DCP2: variants seen among roughly 807,000 people sequenced by gnomAD.
DCP2 encodes the protein m7GpppN-mRNA hydrolase.
In DCP2, 30 loss-of-function variants were observed where a neutral mutation model predicts 56.1. The observed-to-expected ratio is 0.53, with a 90% CI of 0.40 to 0.73. The LOEUF (loss-of-function observed/expected upper bound fraction) is 0.73. DCP2 is among the 30% of genes least tolerant of loss of function. The pLI is 0.00. For missense variants in DCP2, 533 were observed against 502.7 expected (o/e 1.06, Z -0.58); for synonymous variants, 197 against 163.3 (o/e 1.21, Z -1.57).
chr5:112,998,752 G>GT (rs896524422), intron 4 of DCP2, among the ~76,000 whole-genome samples: 4 of 152,328 alleles, frequency 2.6e-5, no homozygotes, highest in African/African-American at 9.6e-5. Context: ...TGTGTGCAGA[G>GT]TTTTTTATTA....
At chr5:112,984,697 A>ATATATATATATATATATATATATATATAT (rs1436502850) in intron 1 of DCP2, 20 of 76,128 alleles carry the variant, frequency 2.6e-4, no homozygotes, top group East Asian at 1.1e-3. Context: ...AAAAAAAAAA[A>ATATATATATATATATATATATATATATAT]AAAAAAATAT....
intron 4 of DCP2, among the ~76,000 whole-genome samples, chr5:112,998,394 A>G (rs748080534): frequency 2.0e-5 from 3 of 152,198 alleles, no homozygotes; most frequent in Admixed American, 6.5e-5. Context: ...ATAACCAAAG[A>G]AGACCATCCC....
chr5:113,010,034 CTTT>C (rs532353785), intron 9 of DCP2, among the ~76,000 whole-genome samples: 12 of 127,560 alleles, frequency 9.4e-5, no homozygotes, highest in Non-Finnish European at 1.0e-4. Flanking sequence ...TGCCTCAGCT[CTTT>C]TTTTTTTTTT....
chr5:112,977,006 C>T lies in DCP2; in HGVS notation c.53+20C>T, dbSNP rs758844426. On this transcript the variant is annotated intron_variant, in intron 1 of 10. Transcript: ENST00000389063. ...CTGCAGGTACCGCGCTACCCGACCC[C>T]CTTTCGCCCCCGTCGGGTTTTCTCA... is the stretch of plus-strand genomic sequence containing the variant. 1.3e-6 allele frequency: 2 copies of T among 1,496,586 alleles called. No homozygotes were observed. The highest frequency in any genetic ancestry group is 2.6e-5 in the South Asian group (2 of 77,858). 92.7% of individuals were successfully genotyped at this position (1,496,586 alleles called of 1,614,324 possible).
At position 112,976,888 on chromosome 5, in the gene DCP2, G is replaced by A. The variant is rs770502137; in HGVS notation, c.-46G>A. On this transcript the variant is annotated 5_prime_UTR_variant, in exon 1 of 11. Coordinates refer to ENST00000389063, the MANE Select transcript of DCP2 (RefSeq NM_152624.6). ...TCCTAGTGCCGTACCGTCAGTCCCC[G>A]GCCGCGCGGAGCCGGGATGCACTGT... is the stretch of plus-strand genomic sequence containing the variant. The A allele has an allele frequency of 3.7e-6, 6 of 1,609,000 alleles. No individual in the cohort carries two copies. The South Asian group carries it at 5.5e-5, about 15-fold the overall frequency.
chr5:113,010,909 C>A, intron 10 of DCP2, 102 bp downstream of exon 10: 2 of 1,237,416 alleles, frequency 1.6e-6, no homozygotes, highest in Non-Finnish European at 2.2e-6. Context: ...GATAGTTAAG[C>A]AGGAAGAGTT....
Position 112,976,864 on chromosome 5 carries a change from C to A in DCP2, c.-70C>A. 1.3e-6 allele frequency: 2 copies of A among 1,530,494 alleles called. No individual in the cohort carries two copies. The highest frequency in any genetic ancestry group is 1.8e-6 in the Non-Finnish European group (2 of 1,103,932). 94.8% of individuals were successfully genotyped at this position (1,530,494 alleles called of 1,614,324 possible). A position where few individuals can be genotyped will look rare whatever the true frequency, so the allele number is the denominator to read the frequency against. Reference sequence around the variant, plus strand: ...TGCCAGCTCTCCGGCGAGCCGGAGTCCTAGTGCCGTACCGTCAGTCCCCGG... The same window carrying A: ...TGCCAGCTCTCCGGCGAGCCGGAGTACTAGTGCCGTACCGTCAGTCCCCGG... On this transcript the variant is annotated 5_prime_UTR_variant, in exon 1 of 11. Coordinates refer to ENST00000389063, the MANE Select transcript of DCP2 (RefSeq NM_152624.6).
intron 2 of DCP2, among the ~76,000 whole-genome samples, chr5:112,990,884 T>C (rs1024349610): frequency 1.2e-4 from 6 of 48,464 alleles, no homozygotes; most frequent in African/African-American, 2.5e-4. Context: ...TTTAATGTGA[T>C]TTTTTTTTTT....
At chr5:112,977,989 A>AT (rs1365961143) in intron 1 of DCP2, among the ~76,000 whole-genome samples, 1 of 149,988 alleles carries the variant, frequency 6.7e-6, no homozygotes, top group African/African-American at 2.5e-5. Flanking sequence ...TTTTGTTTTT[A>AT]TTTTTTGAGA....
chr5:112,987,982 T>C (rs531398607), intron 2 of DCP2, among the ~76,000 whole-genome samples: 26 of 152,236 alleles, frequency 1.7e-4, no homozygotes, highest in Admixed American at 7.2e-4. Flanking sequence ...CACAAGTTCG[T>C]GTACTAGAAC....
chr5:112,979,718 G>A (rs559954774), intron 1 of DCP2, among the ~76,000 whole-genome samples: 1 of 152,274 alleles, frequency 6.6e-6, no homozygotes, highest in African/African-American at 2.4e-5. Flanking sequence ...TAAGGCTGAT[G>A]CTTTAGTATG....
intron 4 of DCP2, among the ~76,000 whole-genome samples, chr5:112,997,010 G>T (rs1347907071): frequency 6.6e-6 from 1 of 152,176 alleles, no homozygotes; most frequent in Non-Finnish European, 1.5e-5. Flanking sequence ...GTACATTGGC[G>T]TTTCAAAGTT....
chr5:113,009,566 A>G (rs1235461032), intron 9 of DCP2, among the ~76,000 whole-genome samples: 4 of 152,260 alleles, frequency 2.6e-5, no homozygotes, highest in Non-Finnish European at 4.4e-5. Context: ...TCAAAACCCT[A>G]CAAAAGTGTT....
At chr5:113,000,916 G>T (rs907228754) in intron 4 of DCP2, among the ~76,000 whole-genome samples, 168 bp from the exon 5 acceptor site, 38 of 152,116 alleles carry the variant, frequency 2.5e-4, no homozygotes, top group Non-Finnish European at 1.2e-4. Flanking sequence ...TAGGGCACAA[G>T]AACTTTTTTT....
At chr5:113,008,614 C>A (rs900483577) in intron 9 of DCP2, among the ~76,000 whole-genome samples, 1 of 152,062 alleles carries the variant, frequency 6.6e-6, no homozygotes, top group Non-Finnish European at 1.5e-5. Context: ...ACCTGTTTTT[C>A]ATTTATTGGT....
At chr5:112,979,073 A>G (rs76812937) in intron 1 of DCP2, among the ~76,000 whole-genome samples, 4,403 of 152,272 alleles carry the variant, frequency 0.029, 218 homozygotes, top group African/African-American at 0.1. Flanking sequence ...TATTTTGTAA[A>G]CAATATGTTA....
chr5:112,979,908 G>T (rs1166545713), intron 1 of DCP2, among the ~76,000 whole-genome samples: 2 of 152,166 alleles, frequency 1.3e-5, no homozygotes, highest in African/African-American at 4.8e-5. Context: ...GTGTGTGGGT[G>T]GGGAAGGGGT....
chr5:113,019,422 G>A lies in DCP2; in HGVS notation c.*5938G>A, dbSNP rs1750018011. Reference sequence around the variant, plus strand: ...GACATACTGCTAAGAGTTTCTTTGTGCATTTCACTACTGTTCTAGGGGACT... The same window carrying A: ...GACATACTGCTAAGAGTTTCTTTGTACATTTCACTACTGTTCTAGGGGACT... On this transcript the variant is annotated 3_prime_UTR_variant, in exon 11 of 11. Transcript: ENST00000389063. 6.6e-6 allele frequency: 1 copy of A among 152,170 alleles called. No individual in the cohort carries two copies. The highest frequency in any genetic ancestry group is 2.4e-5 in the African/African-American group (1 of 41,452). 9.4% of individuals were successfully genotyped at this position (152,170 alleles called of 1,614,324 possible).
intron 10 of DCP2, among the ~76,000 whole-genome samples, chr5:113,012,461 C>T (rs913828911): frequency 2.6e-5 from 4 of 152,060 alleles, no homozygotes; most frequent in Non-Finnish European, 4.4e-5. Context: ...GGATTCATGT[C>T]CTGGGAAGCC....
Sources: allele counts gnomAD v4.1 joint callset (sites outside exome capture counted in the v4.1 genomes callset), GRCh38; gene constraint gnomAD v4.1.1; transcripts MANE v1.5; gene names NCBI Gene and HGNC (gene_info 2026-07-23, HGNC 2026-07-21).